RLF: variants seen among roughly 807,000 people sequenced by gnomAD.
RLF encodes the protein RLF zinc finger, also known as zinc finger protein Rlf.
Under a neutral mutation model 162.9 loss-of-function variants are expected in RLF, and 7 were observed. The observed-to-expected ratio is 0.04, with a 90% CI of 0.02 to 0.08. The LOEUF (loss-of-function observed/expected upper bound fraction) is 0.08. RLF is among the 10% of genes least tolerant of loss of function. The probability of loss-of-function intolerance (pLI) is 1.00; values close to 1 mark genes in which losing one functional copy is unlikely to be tolerated. For missense variants in RLF, 1,664 were observed against 2,244.7 expected (o/e 0.74, Z 5.23); for synonymous variants, 782 against 791.5 (o/e 0.99, Z 0.20).
At chr1:40,167,133 T>G (rs1209053211) in intron 1 of RLF, among the ~76,000 whole-genome samples, 1 of 152,124 alleles carries the variant, frequency 6.6e-6, no homozygotes, top group Non-Finnish European at 1.5e-5. Context: ...CAGTGAGGAA[T>G]AGCATTGATG....
In RLF at chr1:40,161,423, C is replaced by T. The variant is rs752116841; in HGVS notation, c.24C>T (p.Ala8=). MADGKGD[A]AAVAGAGAEA... Reference sequence around the variant, plus strand: ...AGATGGCGGACGGAAAGGGAGACGCCGCCGCTGTCGCCGGGGCTGGGGCTG... The same window carrying T: ...AGATGGCGGACGGAAAGGGAGACGCTGCCGCTGTCGCCGGGGCTGGGGCTG... The change falls in exon 1 of 8, where the codon GCC becomes GCT. Residue 8 remains alanine (A), a synonymous_variant. Coordinates refer to ENST00000372771, the MANE Select transcript of RLF (RefSeq NM_012421.4). This position sits in a 1 kb window ranked among gnomAD's most constrained non-coding sequence, Gnocchi z 4.4. 15 of 1,548,864 alleles carry T rather than the reference C, an allele frequency of 9.7e-6. No homozygotes were observed. Among genetic ancestry groups the T allele is most frequent in the East Asian group, 4.9e-5 (2 of 41,174 alleles).
intron 5 of RLF, among the ~76,000 whole-genome samples, chr1:40,220,027 A>G (rs960934177): frequency 6.6e-6 from 1 of 152,140 alleles, no homozygotes; most frequent in African/African-American, 2.4e-5. Flanking sequence ...CAGGCAGATC[A>G]TGAGGTCAGG....
At chr1:40,188,720 G>T (rs1642518346) in intron 1 of RLF, among the ~76,000 whole-genome samples, 1 of 152,010 alleles carries the variant, frequency 6.6e-6, no homozygotes, top group African/African-American at 2.4e-5. Flanking sequence ...TTATTCTTAT[G>T]TACCCAGTGC....
chr1:40,224,015 C>T (rs1358357661), intron 6 of RLF, among the ~76,000 whole-genome samples: 2 of 152,174 alleles, frequency 1.3e-5, no homozygotes, highest in Non-Finnish European at 2.9e-5. Flanking sequence ...GAAAAAATAT[C>T]CACCATTATA....
intron 6 of RLF, among the ~76,000 whole-genome samples, chr1:40,222,989 TGTTA>T (rs145622359): frequency 0.052 from 7,976 of 152,162 alleles, 597 homozygotes; most frequent in African/African-American, 0.17. Context: ...AACAAACCTG[TGTTA>T]GTTAGATTGT....
chr1:40,237,915 C>T lies in RLF; in HGVS notation c.3213C>T (p.Ser1071=). 1 of 1,614,136 alleles carries T rather than the reference C, an allele frequency of 6.2e-7. No homozygotes were observed. The highest frequency in any genetic ancestry group is 8.5e-7 in the Non-Finnish European group (1 of 1,179,994). ...LELLLRLKHL[S]LKNSITHGSF... Reference sequence around the variant, plus strand: ...TTCTGTTACGCTTGAAACATTTAAGCTTGAAAAACTCAATAACACATGGAT... The same window carrying T: ...TTCTGTTACGCTTGAAACATTTAAGTTTGAAAAACTCAATAACACATGGAT... The change falls in exon 8 of 8, where the codon AGC becomes AGT. Residue 1071 remains serine (S), a synonymous_variant. Coordinates refer to ENST00000372771, the MANE Select transcript of RLF (RefSeq NM_012421.4). The surrounding 1 kb of genome is among the most constrained non-coding windows in gnomAD (Gnocchi z 4.4).
At chr1:40,217,847 T>C (rs945735178) in intron 5 of RLF, among the ~76,000 whole-genome samples, 5 of 152,178 alleles carry the variant, frequency 3.3e-5, no homozygotes, top group African/African-American at 1.2e-4. Flanking sequence ...AGAAGTAACA[T>C]ATAACCAGCA....
Position 40,235,777 on chromosome 1 carries a change from C to A in RLF, c.1090-15C>A. On this transcript the variant is annotated splice_polypyrimidine_tract_variant and intron_variant, in intron 7 of 7. Transcript: ENST00000372771. ...TATGCAAAAAAATAATTTTTTTATC[C>A]TCTTTTACTTACAGGCACAAGATGC... 2.7e-6 allele frequency: 4 copies of A among 1,480,974 alleles called. No homozygotes were observed. Among genetic ancestry groups the A allele is most frequent in the East Asian group, 2.5e-5 (1 of 40,790 alleles). 91.7% of individuals were successfully genotyped at this position (1,480,974 alleles called of 1,614,324 possible).
chr1:40,182,994 C>G (rs12089668), intron 1 of RLF, among the ~76,000 whole-genome samples: 48,938 of 151,976 alleles, frequency 0.32, 9,184 homozygotes, highest in African/African-American at 0.52. Flanking sequence ...CTCTTGATGG[C>G]AAACCTCCAT....
chr1:40,208,833 T>TTTTTA (rs1642831240), intron 5 of RLF, among the ~76,000 whole-genome samples: 1 of 152,124 alleles, frequency 6.6e-6, no homozygotes, highest in African/African-American at 2.4e-5. Flanking sequence ...AAAAAAACTT[T>TTTTTA]GAATTTTATA....
intron 5 of RLF, among the ~76,000 whole-genome samples, chr1:40,213,790 G>T (rs1344976929): frequency 6.6e-6 from 1 of 152,078 alleles, no homozygotes; most frequent in Non-Finnish European, 1.5e-5. Flanking sequence ...AACTAATCAG[G>T]GAAATACTGC....
rs201913402 is a variant in RLF at position 40,240,488 on chromosome 1, C to T, written c.*41C>T. On this transcript the variant is annotated 3_prime_UTR_variant, in exon 8 of 8. Transcript: ENST00000372771. ...TAGTAACAGACTGGCTCCAACACTG[C>T]AACATGGGGACATTTGCCAACTCGA... 1.4e-6 allele frequency: 2 copies of T among 1,416,778 alleles called. No homozygotes were observed. Among genetic ancestry groups the T allele is most frequent in the African/African-American group, 1.4e-5 (1 of 70,324 alleles). The allele number at this position is 1,416,778 out of a possible 1,614,324, so 87.8% of individuals were successfully genotyped here. A position where few individuals can be genotyped will look rare whatever the true frequency, so the allele number is the denominator to read the frequency against.
In RLF at chr1:40,239,873, A is replaced by G. The variant is rs768137166; in HGVS notation, c.5171A>G (p.Lys1724Arg). The G allele has an allele frequency of 3.7e-6, 6 of 1,613,918 alleles. No homozygotes were observed. The East Asian group carries it at 1.1e-4, about 30-fold the overall frequency. ...TTCCAGCTGCCTTTACCAAGGATCA[A>G]AGAATCAGAAACTAGGCAGCATAGT... ...TSFQLPLPRI[K>R]ESETRQHSSG... The change falls in exon 8 of 8, where the codon AAA (lysine) becomes AGA (arginine). Residue 1724 changes from lysine to arginine, a missense_variant. By Grantham distance (26) the Lys-to-Arg change is conservative (BLOSUM62 2). Coordinates refer to ENST00000372771, the MANE Select transcript of RLF (RefSeq NM_012421.4).
At chr1:40,206,491 A>G (rs1642796435) in intron 5 of RLF, among the ~76,000 whole-genome samples, 1 of 152,230 alleles carries the variant, frequency 6.6e-6, no homozygotes. Context: ...AGATGAATGC[A>G]GAAGTCTCTG....
intron 5 of RLF, among the ~76,000 whole-genome samples, chr1:40,212,381 CTTTA>C (rs906321433): frequency 2.3e-4 from 35 of 152,070 alleles, no homozygotes; most frequent in Admixed American, 3.9e-4. Flanking sequence ...GGTTGTGATA[CTTTA>C]TTTATGTAGA....
rs1328508673 is a variant in RLF, at chr1:40,195,770, T to C, written c.607+6T>C. 1 of 1,609,644 alleles carries C rather than the reference T, an allele frequency of 6.2e-7. No homozygotes were observed. The highest frequency in any genetic ancestry group is 8.5e-7 in the Non-Finnish European group (1 of 1,178,416). On this transcript the variant is annotated splice_donor_region_variant and intron_variant, in intron 4 of 7. Transcript: ENST00000372771. ...GCCAGTAGAAACGGAGGAAGGTAAG[T>C]CTTAAGACTATATTGGATGAGGATT...
At position 40,208,480 on chromosome 1, in the gene RLF, C is replaced by A. The variant is rs183487286; in HGVS notation, c.810+5866C>A. On this transcript the variant is annotated intron_variant, in intron 5 of 7. Coordinates refer to ENST00000372771, the MANE Select transcript of RLF (RefSeq NM_012421.4). The stretch of plus-strand genomic sequence containing the variant: ...TCACTTGTCTATTCCAAGCACTGTG[C>A]TGTGTGCTTTAAATGTGTCGGTATC... 4.6e-5 allele frequency among the ~76,000 whole-genome samples: 7 copies of A among 152,248 alleles called. 1 individual carries two copies. Among genetic ancestry groups the A allele is most frequent in the Non-Finnish European group, 8.8e-5 (6 of 68,020 alleles).
chr1:40,176,142 A>G (rs958055157), intron 1 of RLF, among the ~76,000 whole-genome samples: 10 of 152,136 alleles, frequency 6.6e-5, no homozygotes, highest in South Asian at 2.1e-4. Flanking sequence ...TTATTTACCT[A>G]TTGATAGACA....
At chr1:40,164,710 T>C (rs1642142067) in intron 1 of RLF, among the ~76,000 whole-genome samples, 1 of 152,212 alleles carries the variant, frequency 6.6e-6, no homozygotes, top group Admixed American at 6.5e-5. Context: ...TCTCTATTTG[T>C]AACACAAATT....
Sources: gnomAD v4.1 joint callset for allele counts (sites outside exome capture counted in the v4.1 genomes callset) on GRCh38, gnomAD v4.1.1 for gene constraint, Gnocchi (gnomAD v3.1) non-coding constraint, MANE v1.5 for transcripts, NCBI Gene and HGNC (gene_info 2026-07-23, HGNC 2026-07-21) for gene names.